Variants in BMPER observed in about 807,000 individuals in gnomAD.
BMPER encodes BMP-binding endothelial regulator protein.
BMPER carries 45 observed loss-of-function variants against 87.3 expected under a neutral mutation model. The observed-to-expected ratio is 0.52, with a 90% confidence interval of 0.41 to 0.66. The LOEUF (loss-of-function observed/expected upper bound fraction) is 0.66, where lower values mean the gene tolerates loss of function less well. Among genes scored for constraint, BMPER ranks in the 30% least tolerant of loss-of-function variants. BMPER has a pLI of 0.00. For missense variants in BMPER, 784 were observed against 867.5 expected (o/e 0.90, Z 1.21); for synonymous variants, 326 against 316.2 (o/e 1.03, Z -0.33).
intron 2 of BMPER, among the ~76,000 whole-genome samples, chr7:33,916,564 G>A (rs1784090887): frequency 6.6e-6 from 1 of 152,362 alleles, no homozygotes; most frequent in African/African-American, 2.4e-5. Flanking sequence ...TGGTGTGACT[G>A]GATTTGGACA....
chr7:34,035,942 T>TTCC (rs1389568682), intron 6 of BMPER, among the ~76,000 whole-genome samples: 5 of 152,310 alleles, frequency 3.3e-5, no homozygotes, highest in African/African-American at 1.2e-4. Flanking sequence ...GTCTCTGCAG[T>TTCC]TCCGTATTTG....
At chr7:33,935,451 C>A (rs1056507105) in intron 2 of BMPER, among the ~76,000 whole-genome samples, 2 of 152,240 alleles carry the variant, frequency 1.3e-5, no homozygotes, top group African/African-American at 4.8e-5. Context: ...CCATGGCAGT[C>A]TTTGTTAAGA....
chr7:33,985,454 G>A (rs1048123971), intron 6 of BMPER, among the ~76,000 whole-genome samples: 5 of 152,112 alleles, frequency 3.3e-5, no homozygotes, highest in African/African-American at 1.2e-4. Flanking sequence ...TGAATAATGT[G>A]ACAGATATCT....
At chr7:34,102,059 A>G (rs750429759) in intron 13 of BMPER, among the ~76,000 whole-genome samples, 2 of 152,184 alleles carry the variant, frequency 1.3e-5, no homozygotes, top group African/African-American at 2.4e-5. Context: ...TAATTGACTA[A>G]TGTGACTGAA....
chr7:33,955,043 G>A (rs1185556024), intron 3 of BMPER, among the ~76,000 whole-genome samples: 1 of 152,142 alleles, frequency 6.6e-6, no homozygotes, highest in Non-Finnish European at 1.5e-5. Context: ...GATTACAGGT[G>A]CCTGCCACCA....
intron 6 of BMPER, among the ~76,000 whole-genome samples, chr7:33,987,218 G>A (rs555551931): frequency 1.3e-5 from 2 of 152,110 alleles, no homozygotes; most frequent in South Asian, 4.2e-4. Flanking sequence ...TCAAATGTTC[G>A]ATTTGGAGGG....
At chr7:33,951,904 A>T (rs138630109) in intron 3 of BMPER, among the ~76,000 whole-genome samples, 1 of 152,312 alleles carries the variant, frequency 6.6e-6, no homozygotes, top group East Asian at 1.9e-4. Flanking sequence ...AATAGGGATG[A>T]AAAATGACTG....
chr7:33,955,639 G>C (rs560824445), intron 3 of BMPER, among the ~76,000 whole-genome samples: 1 of 152,310 alleles, frequency 6.6e-6, no homozygotes, highest in Admixed American at 6.5e-5. Flanking sequence ...GATAAAGCCT[G>C]ATATTTCCAT....
intron 11 of BMPER, among the ~76,000 whole-genome samples, chr7:34,065,203 ACT>A (rs70997564): frequency 0.026 from 2,526 of 97,274 alleles, 44 homozygotes; most frequent in East Asian, 0.12. Flanking sequence ...ATACACACTC[ACT>A]CTCTCTCTCT....
At chr7:34,129,183 G>T (rs756958536) in intron 13 of BMPER, among the ~76,000 whole-genome samples, 96 of 152,084 alleles carry the variant, frequency 6.3e-4, no homozygotes, top group Non-Finnish European at 1.2e-3. Context: ...ACTATTCTTA[G>T]ATCACAAGCT....
chr7:33,907,781 C>G (rs1263731867), intron 2 of BMPER, among the ~76,000 whole-genome samples: 1 of 152,166 alleles, frequency 6.6e-6, no homozygotes, highest in Non-Finnish European at 1.5e-5. Context: ...AAATGCAAAG[C>G]CCCAGAATGA....
At chr7:33,967,573 G>T (rs1272252765) in intron 4 of BMPER, among the ~76,000 whole-genome samples, 1 of 152,160 alleles carries the variant, frequency 6.6e-6, no homozygotes, top group Non-Finnish European at 1.5e-5. Context: ...TAAGCAGTAG[G>T]TAAACACATA....
chr7:34,058,027 C>T, intron 9 of BMPER, 32 bp from the exon 10 acceptor site: 1 of 1,584,384 alleles, frequency 6.3e-7, no homozygotes, highest in Non-Finnish European at 8.7e-7. Context: ...CAGCCTCCAG[C>T]TGCTGACAGG....
intron 2 of BMPER, among the ~76,000 whole-genome samples, chr7:33,907,217 A>G (rs1365055348): frequency 6.6e-6 from 1 of 152,044 alleles, no homozygotes; most frequent in Non-Finnish European, 1.5e-5. Context: ...ACTACAACCA[A>G]ATTCTTGGGA....
intron 13 of BMPER, among the ~76,000 whole-genome samples, chr7:34,107,413 A>G (rs924721064): frequency 6.6e-6 from 1 of 152,222 alleles, no homozygotes; most frequent in Non-Finnish European, 1.5e-5. Flanking sequence ...TCCTCTGGAC[A>G]TTAGAATGCT....
At chr7:33,906,968 G>A in intron 2 of BMPER, 65 bp downstream of exon 2, 2 of 1,389,216 alleles carry the variant, frequency 1.4e-6, no homozygotes, top group Non-Finnish European at 2.0e-6. Flanking sequence ...TCCATTAAAT[G>A]TGATAATATA....
intron 6 of BMPER, among the ~76,000 whole-genome samples, chr7:34,020,490 G>A (rs1787150407): frequency 6.6e-6 from 1 of 151,922 alleles, no homozygotes; most frequent in Non-Finnish European, 1.5e-5. Context: ...AATTCCATGG[G>A]ATGCTTGCTG....
chr7:33,918,262 G>A (rs893477631), intron 2 of BMPER, among the ~76,000 whole-genome samples: 22 of 152,124 alleles, frequency 1.4e-4, no homozygotes, highest in Admixed American at 2.0e-4. Flanking sequence ...TTAATTCTTC[G>A]CCATGTTGAT....
chr7:34,046,969 A>C (rs1307170368), intron 7 of BMPER, among the ~76,000 whole-genome samples: 1 of 151,610 alleles, frequency 6.6e-6, no homozygotes, highest in African/African-American at 2.4e-5. Flanking sequence ...AAGCTGTGAA[A>C]TGTAGGTACT....
Sources: allele counts gnomAD v4.1 joint callset (sites outside exome capture counted in the v4.1 genomes callset), GRCh38; gene constraint gnomAD v4.1.1; transcripts MANE v1.5; gene names NCBI Gene and HGNC (gene_info 2026-07-23, HGNC 2026-07-21).